HCN1: variants seen among roughly 807,000 people sequenced by gnomAD.
HCN1 encodes hyperpolarization activated cyclic nucleotide gated potassium channel 1.
A neutral mutation model predicts 78.9 loss-of-function variants in HCN1; 13 were observed. The ratio of observed to expected loss-of-function variants is 0.16; its 90% CI spans 0.11 to 0.26. The LOEUF is 0.26. HCN1 is among the 10% of genes least tolerant of loss of function. The pLI is 1.00. For missense variants in HCN1, 810 were observed against 1,154.3 expected (o/e 0.70, Z 4.32); for synonymous variants, 552 against 455.5 (o/e 1.21, Z -2.70).
rs146363579 is a variant in HCN1, at chr5:45,607,579, T to TTATATATA, written c.849+37598_849+37605dup. Among the ~76,000 whole-genome samples the TTATATATA allele has an allele frequency of 2.6e-4, 33 of 127,944 alleles. 1 individual carries two copies. Among genetic ancestry groups the TTATATATA allele is most frequent in the Middle Eastern group, 5.1e-3 (1 of 196 alleles). The allele number at this position is 127,944 out of a possible 152,430, so 83.9% of individuals were successfully genotyped here. A position where few individuals can be genotyped will look rare whatever the true frequency, so the allele number is the denominator to read the frequency against. On this transcript the variant is annotated intron_variant, in intron 2 of 7. Coordinates refer to ENST00000303230, the MANE Select transcript of HCN1 (RefSeq NM_021072.4). ...TATAGACAAATAGATCACAATATCA[T>TTATATATA]TATATATATATATATATCTATAGAT... is the stretch of plus-strand genomic sequence containing the variant.
rs1353703180 is a variant in HCN1 at position 45,259,128 on chromosome 5, T to C, written c.*2793A>G. On this transcript the variant is annotated 3_prime_UTR_variant, in exon 8 of 8. Coordinates refer to ENST00000303230, the MANE Select transcript of HCN1 (RefSeq NM_021072.4). ...GAATTATAGAATATAATTGATTTTA[T>C]GTGATTATCAAGTATAAGCTCTTGG... 6.6e-6 allele frequency: 1 copy of C among 152,044 alleles called. No individual in the cohort carries two copies. Among genetic ancestry groups the C allele is most frequent in the Non-Finnish European group, 1.5e-5 (1 of 67,922 alleles). 9.4% of individuals were successfully genotyped at this position (152,044 alleles called of 1,614,324 possible). A position where few individuals can be genotyped will look rare whatever the true frequency, so the allele number is the denominator to read the frequency against.
chr5:45,350,191 T>C (rs1315588410), intron 5 of HCN1, among the ~76,000 whole-genome samples: 4 of 152,126 alleles, frequency 2.6e-5, no homozygotes, highest in Non-Finnish European at 5.9e-5. Flanking sequence ...CAAGTGGGCT[T>C]CATCCCTGGG....
At chr5:45,687,318 T>C (rs1739828278) in intron 1 of HCN1, among the ~76,000 whole-genome samples, 1 of 152,202 alleles carries the variant, frequency 6.6e-6, no homozygotes, top group Non-Finnish European at 1.5e-5. Context: ...GAAAATTTTA[T>C]CAAAAATGTC....
At chr5:45,335,696 C>T (rs1746439245) in intron 5 of HCN1, among the ~76,000 whole-genome samples, 1 of 152,076 alleles carries the variant, frequency 6.6e-6, no homozygotes, top group African/African-American at 2.4e-5. Flanking sequence ...ATTGTAGTAA[C>T]ATTAAGAGTT....
chr5:45,655,788 C>T (rs1745753739), intron 1 of HCN1, among the ~76,000 whole-genome samples: 1 of 152,052 alleles, frequency 6.6e-6, no homozygotes, highest in Non-Finnish European at 1.5e-5. Flanking sequence ...TATGAGATCA[C>T]CTATTTCAAA....
chr5:45,318,611 AG>A (rs1287333219), intron 5 of HCN1, among the ~76,000 whole-genome samples: 11 of 151,570 alleles, frequency 7.3e-5, no homozygotes, highest in Non-Finnish European at 1.5e-4. Context: ...TAATAAAAAA[AG>A]AAAAAAAAAG....
intron 2 of HCN1, among the ~76,000 whole-genome samples, chr5:45,482,569 C>A (rs1457944478): frequency 6.6e-6 from 1 of 152,156 alleles, no homozygotes; most frequent in Non-Finnish European, 1.5e-5. Context: ...GAGCCTCTCC[C>A]AGCCCCGTGG....
intron 6 of HCN1, 85 bp from the exon 7 acceptor site, chr5:45,267,338 G>A: frequency 8.1e-7 from 1 of 1,233,608 alleles, no homozygotes; most frequent in South Asian, 1.3e-5. Flanking sequence ...CTTAAAACAA[G>A]TCTCATGGTG....
At chr5:45,416,825 T>C (rs1740129024) in intron 3 of HCN1, among the ~76,000 whole-genome samples, 1 of 151,874 alleles carries the variant, frequency 6.6e-6, no homozygotes, top group African/African-American at 2.4e-5. Context: ...AGCTACAGAT[T>C]TTGGAAAAAT....
At chr5:45,609,468 G>A (rs892008525) in intron 2 of HCN1, among the ~76,000 whole-genome samples, 9 of 151,982 alleles carry the variant, frequency 5.9e-5, no homozygotes, top group African/African-American at 1.9e-4. Context: ...AAATACTGTC[G>A]ATATGGTTGC....
chr5:45,380,731 A>G (rs1747792000), intron 4 of HCN1, among the ~76,000 whole-genome samples: 1 of 152,132 alleles, frequency 6.6e-6, no homozygotes, highest in Admixed American at 6.6e-5. Flanking sequence ...TGTAGTTCCC[A>G]TTACACACTA....
intron 5 of HCN1, among the ~76,000 whole-genome samples, chr5:45,336,959 G>C (rs1174991487): frequency 6.6e-6 from 1 of 151,836 alleles, no homozygotes; most frequent in African/African-American, 2.4e-5. Context: ...CATCACCTTG[G>C]GGATTAGGAT....
At chr5:45,327,811 C>T (rs1221384296) in intron 5 of HCN1, among the ~76,000 whole-genome samples, 1 of 151,514 alleles carries the variant, frequency 6.6e-6, no homozygotes, top group African/African-American at 2.4e-5. Context: ...TGAACAAGCA[C>T]AGAGAAAAGG....
chr5:45,281,265 G>C (rs1745158572), intron 6 of HCN1, among the ~76,000 whole-genome samples: 1 of 151,858 alleles, frequency 6.6e-6, no homozygotes, highest in African/African-American at 2.4e-5. Context: ...GGTAATGAGT[G>C]AGTACTCAAG....
intron 1 of HCN1, among the ~76,000 whole-genome samples, chr5:45,694,919 G>T (rs1028193841): frequency 3.3e-5 from 5 of 152,160 alleles, no homozygotes; most frequent in Non-Finnish European, 4.4e-5. Context: ...AAATAGACTT[G>T]CAGTCAAGGT....
At chr5:45,547,764 C>G (rs1743259207) in intron 2 of HCN1, among the ~76,000 whole-genome samples, 2 of 151,780 alleles carry the variant, frequency 1.3e-5, no homozygotes. Flanking sequence ...AGCAAATATT[C>G]AATGTCTTCA....
intron 2 of HCN1, among the ~76,000 whole-genome samples, chr5:45,508,334 C>T (rs1742348239): frequency 6.6e-6 from 1 of 152,006 alleles, no homozygotes; most frequent in South Asian, 2.1e-4. Context: ...AGGCTATCCT[C>T]AATGTTCACA....
At chr5:45,352,348 G>T (rs938304393) in intron 5 of HCN1, among the ~76,000 whole-genome samples, 5 of 151,582 alleles carry the variant, frequency 3.3e-5, no homozygotes, top group African/African-American at 1.2e-4. Flanking sequence ...ACACAGGAAG[G>T]GGAACATCAC....
intron 4 of HCN1, among the ~76,000 whole-genome samples, chr5:45,388,061 T>C (rs146451423): frequency 6.6e-6 from 1 of 152,250 alleles, no homozygotes; most frequent in African/African-American, 2.4e-5. Context: ...GTCTCAGTGG[T>C]TCTCCATTGC....
Sources: allele counts gnomAD v4.1 joint callset (sites outside exome capture counted in the v4.1 genomes callset), GRCh38; gene constraint gnomAD v4.1.1; transcripts MANE v1.5; gene names NCBI Gene and HGNC (gene_info 2026-07-23, HGNC 2026-07-21).